The following XPO4 variants were observed in gnomAD, a reference collection of about 807,000 sequenced individuals.
XPO4 encodes exportin-4.
In XPO4, 39 loss-of-function variants were observed where a neutral mutation model predicts 143.0. The observed-to-expected ratio is 0.27, with a 90% CI of 0.21 to 0.36. The LOEUF is 0.36. XPO4 is among the 10% of genes least tolerant of loss of function. XPO4 has a pLI of 1.00. For missense variants in XPO4, 907 were observed against 1,348.0 expected (o/e 0.67, Z 5.12); for synonymous variants, 439 against 474.0 (o/e 0.93, Z 0.96).
At chr13:20,851,547 A>G in intron 4 of XPO4, 1 of 624,858 alleles carries the variant, frequency 1.6e-6, no homozygotes, top group Non-Finnish European at 2.0e-6. Flanking sequence ...TGTCTCTACA[A>G]CAATACAAAA....
chr13:20,878,494 C>T (rs1389932931), intron 1 of XPO4, among the ~76,000 whole-genome samples: 2 of 152,076 alleles, frequency 1.3e-5, no homozygotes, highest in African/African-American at 4.8e-5. Context: ...TTTATAAAGC[C>T]AGTAAAAATT....
chr13:20,851,207 C>A, intron 4 of XPO4: 3 of 985,334 alleles, frequency 3.0e-6, no homozygotes, highest in Non-Finnish European at 2.4e-6. Context: ...ATTTTTTAGG[C>A]CTTCCTATTG....
chr13:20,866,059 A>C, intron 2 of XPO4: 1 of 985,446 alleles, frequency 1.0e-6, no homozygotes, highest in South Asian at 4.7e-5. Flanking sequence ...AGAAGAAGTA[A>C]GCCAATCCCT....
intron 1 of XPO4, among the ~76,000 whole-genome samples, chr13:20,891,122 T>TAAAA (rs57528913): frequency 1.3e-4 from 11 of 86,014 alleles, no homozygotes; most frequent in East Asian, 9.3e-4. Flanking sequence ...CATCTCAATT[T>TAAAA]AAAAAAAAAA....
At chr13:20,855,089 T>C (rs1187367327) in intron 4 of XPO4, among the ~76,000 whole-genome samples, 1 of 152,198 alleles carries the variant, frequency 6.6e-6, no homozygotes, top group African/African-American at 2.4e-5. Context: ...TATGAATATT[T>C]ATGGCAACAT....
chr13:20,822,563 G>A (rs2059733634), intron 7 of XPO4, among the ~76,000 whole-genome samples: 2 of 152,208 alleles, frequency 1.3e-5, no homozygotes, highest in African/African-American at 2.4e-5. Flanking sequence ...AGAAACAGAT[G>A]CCAGCCAGTC....
chr13:20,793,726 T>G (rs2059316605), intron 18 of XPO4, among the ~76,000 whole-genome samples: 1 of 152,086 alleles, frequency 6.6e-6, no homozygotes, highest in Non-Finnish European at 1.5e-5. Flanking sequence ...CTGGCTAATT[T>G]TTTATCCCCT....
At position 20,891,665 on chromosome 13, in the gene XPO4, C is replaced by A. The variant is rs187996551; in HGVS notation, c.69+11005G>T. On this transcript the variant is annotated intron_variant, in intron 1 of 22. Transcript: ENST00000255305. ...ACTGCCTGAGCTCAGGAGTTCAAGACCAGCCTGGGCAACATAGTGAAACCC... is the reference window on the plus strand; with the variant it reads ...ACTGCCTGAGCTCAGGAGTTCAAGAACAGCCTGGGCAACATAGTGAAACCC... Among the ~76,000 whole-genome samples, 133 of 152,024 alleles carry A rather than the reference C, an allele frequency of 8.7e-4. 1 individual carries two copies. The East Asian group carries it at 0.023, about 26-fold the overall frequency.
chr13:20,822,615 T>C (rs1217431709), intron 7 of XPO4, among the ~76,000 whole-genome samples: 1 of 152,242 alleles, frequency 6.6e-6, no homozygotes, highest in Non-Finnish European at 1.5e-5. Context: ...ATGACAGTCA[T>C]CTGTATTATG....
At chr13:20,875,435 T>C (rs2060341694) in intron 1 of XPO4, among the ~76,000 whole-genome samples, 2 of 152,182 alleles carry the variant, frequency 1.3e-5, no homozygotes, top group African/African-American at 2.4e-5. Context: ...AAAGATGTCC[T>C]TTCAAAAAGA....
chr13:20,870,363 C>T (rs1164381268), intron 1 of XPO4, among the ~76,000 whole-genome samples: 1 of 151,800 alleles, frequency 6.6e-6, no homozygotes, highest in Admixed American at 6.6e-5. Flanking sequence ...ACCCAGGCAG[C>T]AGAGGTTGCA....
intron 9 of XPO4, among the ~76,000 whole-genome samples, chr13:20,810,773 C>A (rs2059572205): frequency 6.6e-6 from 1 of 152,194 alleles, no homozygotes; most frequent in South Asian, 2.1e-4. Context: ...TGTATGAGAT[C>A]CACTAAGGAA....
At chr13:20,867,805 C>T (rs1257506297) in intron 2 of XPO4, among the ~76,000 whole-genome samples, 4 of 152,146 alleles carry the variant, frequency 2.6e-5, no homozygotes, top group African/African-American at 9.7e-5. Context: ...TTTATGGTCA[C>T]AGATGACTCA....
intron 1 of XPO4, among the ~76,000 whole-genome samples, chr13:20,897,250 G>A (rs74036470): frequency 3.9e-5 from 6 of 151,958 alleles, no homozygotes; most frequent in African/African-American, 1.5e-4. Flanking sequence ...AAAAAATAAA[G>A]GCAGTGTACC....
intron 9 of XPO4, among the ~76,000 whole-genome samples, chr13:20,818,874 G>A (rs2059684368): frequency 6.6e-6 from 1 of 151,858 alleles, no homozygotes; most frequent in Non-Finnish European, 1.5e-5. Context: ...AGGCTGGAGT[G>A]CAGTGGTGTG....
intron 4 of XPO4, chr13:20,848,378 T>A (rs929716613): frequency 1.0e-6 from 1 of 985,310 alleles, no homozygotes; most frequent in Non-Finnish European, 1.2e-6. Flanking sequence ...GCCCTTCATG[T>A]ACCTTGACCT....
intron 8 of XPO4, 53 bp from the exon 9 acceptor site, chr13:20,821,931 TATA>T: frequency 1.3e-6 from 2 of 1,509,954 alleles, no homozygotes; most frequent in Non-Finnish European, 1.8e-6. Flanking sequence ...AAATTATTAA[TATA>T]ATAACTCATT....
chr13:20,893,757 ACT>A (rs1468272977), intron 1 of XPO4, among the ~76,000 whole-genome samples: 2 of 144,778 alleles, frequency 1.4e-5, no homozygotes, highest in African/African-American at 2.6e-5. Flanking sequence ...ACAGGGTGAG[ACT>A]CTGTCTCAAA....
Position 20,790,850 on chromosome 13 carries a change from G to T in XPO4, c.2798-270C>A, listed in dbSNP as rs534199878. Among the ~76,000 whole-genome samples, 135 of 152,188 alleles carry T rather than the reference G, an allele frequency of 8.9e-4. No individual in the cohort carries two copies. The Middle Eastern group carries it at 0.031, about 35-fold the overall frequency. On this transcript the variant is annotated intron_variant, in intron 18 of 22. Coordinates refer to ENST00000255305, the MANE Select transcript of XPO4 (RefSeq NM_022459.5). ...ATGAGTACTTGATACAGAAGTATTG[G>T]GGAGGTTAAGAGCAGGGGACAGTCT... is the stretch of plus-strand genomic sequence containing the variant.
Sources: allele counts gnomAD v4.1 joint callset (sites outside exome capture counted in the v4.1 genomes callset), GRCh38; gene constraint gnomAD v4.1.1; transcripts MANE v1.5; gene names NCBI Gene and HGNC (gene_info 2026-07-23, HGNC 2026-07-21).